The following DCP1A variants were observed in gnomAD, a reference collection of about 807,000 sequenced individuals.
DCP1A encodes the protein decapping mRNA 1A.
Under a neutral mutation model 58.0 loss-of-function variants are expected in DCP1A, and 20 were observed. The observed-to-expected ratio is 0.34, with a 90% confidence interval of 0.24 to 0.50. DCP1A has a LOEUF of 0.50. DCP1A is among the 20% of genes least tolerant of loss of function. The pLI is 0.98. For missense variants in DCP1A, 613 were observed against 712.2 expected (o/e 0.86, Z 1.59); for synonymous variants, 285 against 275.1 (o/e 1.04, Z -0.36).
chr3:53,313,082 T>A (rs1707697812), intron 4 of DCP1A, among the ~76,000 whole-genome samples: 2 of 151,666 alleles, frequency 1.3e-5, no homozygotes, highest in Non-Finnish European at 2.9e-5. Context: ...AAATCCTCTG[T>A]GGAAAGTTTG....
intron 3 of DCP1A, among the ~76,000 whole-genome samples, chr3:53,336,981 C>A (rs568919463): frequency 4.6e-5 from 7 of 152,172 alleles, no homozygotes; most frequent in South Asian, 2.1e-4. Flanking sequence ...AGCGATTCTC[C>A]TGCCTAGCCT....
At chr3:53,313,063 T>G (rs1007050216) in intron 4 of DCP1A, among the ~76,000 whole-genome samples, 1 of 151,922 alleles carries the variant, frequency 6.6e-6, no homozygotes, top group East Asian at 1.9e-4. Flanking sequence ...GAAGGCTGCA[T>G]AGTTGAACAA....
chr3:53,303,211 A>C (rs563486791), intron 6 of DCP1A, among the ~76,000 whole-genome samples: 1 of 152,198 alleles, frequency 6.6e-6, no homozygotes, highest in African/African-American at 2.4e-5. Flanking sequence ...TTGGCCTCCC[A>C]AAGAGCTGAG....
intron 6 of DCP1A, among the ~76,000 whole-genome samples, chr3:53,303,811 A>G (rs557019510): frequency 4.6e-5 from 7 of 152,324 alleles, no homozygotes; most frequent in African/African-American, 1.4e-4. Context: ...GAGGGGCCAG[A>G]TAAGGTAGGG....
chr3:53,303,875 G>A (rs2106819481), intron 6 of DCP1A, among the ~76,000 whole-genome samples: 1 of 152,308 alleles, frequency 6.6e-6, no homozygotes, highest in Middle Eastern at 3.4e-3. Context: ...CTCGGACACT[G>A]CTGGAGGGTT....
At chr3:53,336,903 C>T (rs2089126871) in intron 3 of DCP1A, among the ~76,000 whole-genome samples, 1 of 151,292 alleles carries the variant, frequency 6.6e-6, no homozygotes, top group Non-Finnish European at 1.5e-5. Context: ...TGGAGTCTTG[C>T]TCTGTCTCCC....
intron 5 of DCP1A, among the ~76,000 whole-genome samples, chr3:53,311,474 C>T (rs1349413917): frequency 1.3e-5 from 2 of 152,074 alleles, no homozygotes; most frequent in Admixed American, 6.5e-5. Context: ...AATAAATTAA[C>T]GAAAGTACCA....
intron 7 of DCP1A, among the ~76,000 whole-genome samples, chr3:53,291,430 ATT>A (rs1262290309): frequency 4.2e-5 from 6 of 142,122 alleles, no homozygotes; most frequent in South Asian, 2.2e-4. Context: ...TATTCATTCT[ATT>A]TTTTTTTTTT....
chr3:53,321,735 A>G (rs1707973711), intron 3 of DCP1A, among the ~76,000 whole-genome samples: 1 of 152,144 alleles, frequency 6.6e-6, no homozygotes, highest in African/African-American at 2.4e-5. Context: ...AAACAAAAAA[A>G]CCCAAAAAAC....
Position 53,290,823 on chromosome 3 carries a change from C to A in DCP1A, c.1417G>T (p.Val473Leu). The A allele has an allele frequency of 1.3e-6, 2 of 1,583,616 alleles. No individual in the cohort carries two copies. Among genetic ancestry groups the A allele is most frequent in the Non-Finnish European group, 1.7e-6 (2 of 1,165,024 alleles). Residue 473 changes from valine to leucine, a missense_variant, in exon 8 of 10, where the codon GTG becomes TTG. By Grantham distance (32) the Val-to-Leu change is conservative. This residue lies in a region of DCP1A where 498 missense variants were observed against 556.7 expected (regional missense o/e 0.89). Transcript: ENST00000610213. The stretch of plus-strand genomic sequence containing the variant: ...GCACTGGATAACACCTTAGGCTGCA[C>A]AAATACTTCAGGATCCTGGTTCTGC... ...MQQNQDPEVF[V>L]QPKVLSSAIP...
At chr3:53,309,786 T>C (rs1305005537) in intron 5 of DCP1A, among the ~76,000 whole-genome samples, 5 of 152,208 alleles carry the variant, frequency 3.3e-5, no homozygotes, top group Non-Finnish European at 7.4e-5. Context: ...GTCTCATTAT[T>C]ACAAGTGCTC....
chr3:53,287,623 T>A lies in DCP1A; in HGVS notation c.1706A>T (p.Tyr569Phe). ...TTTGTTCTTGGTCAGAACCTGCAAG[T>A]AGACTTCATGAAGTGTACTGAGGAA... The part of the protein sequence containing the change: ...SSFLSTLHEV[Y>F]LQVLTKNKDN... The change falls in exon 10 of 10, where the codon TAC becomes TTC. Residue 569 changes from tyrosine to phenylalanine, a missense_variant. This residue lies in a region of DCP1A where 498 missense variants were observed against 556.7 expected (regional missense o/e 0.89). Transcript: ENST00000610213. 1 of 1,612,628 alleles carries A rather than the reference T, an allele frequency of 6.2e-7. No homozygotes were observed. Among genetic ancestry groups the A allele is most frequent in the Non-Finnish European group, 8.5e-7 (1 of 1,178,696 alleles).
At chr3:53,330,434 C>T (rs2088966711) in intron 3 of DCP1A, among the ~76,000 whole-genome samples, 1 of 151,834 alleles carries the variant, frequency 6.6e-6, no homozygotes, top group Non-Finnish European at 1.5e-5. Flanking sequence ...GTAGCTCACA[C>T]CTATAGTCCT....
chr3:53,345,957 T>A (rs2089286718), intron 1 of DCP1A, among the ~76,000 whole-genome samples: 1 of 152,180 alleles, frequency 6.6e-6, no homozygotes, highest in Admixed American at 6.5e-5. Context: ...TCATGCTCTA[T>A]GTGCCAGGAT....
chr3:53,309,929 CTAAAGA>C lies in DCP1A; in HGVS notation c.510+2306_510+2311del, dbSNP rs1461991207. ...GATTGCCAATCTTCTGAGTCTTCAC[CTAAAGA>C]TAAACAAAGGGGCCGTCTGAAAAAA... On this transcript the variant is annotated intron_variant, in intron 5 of 9. Coordinates refer to ENST00000610213, the MANE Select transcript of DCP1A (RefSeq NM_018403.7). 4.6e-5 allele frequency among the ~76,000 whole-genome samples: 7 copies of C among 152,164 alleles called. 1 individual carries two copies. Among genetic ancestry groups the C allele is most frequent in the Admixed American group, 4.6e-4 (7 of 15,282 alleles).
Position 53,341,624 on chromosome 3 carries a change from G to A in DCP1A, c.304+520C>T, listed in dbSNP as rs191658584. ...GGCATAAACCTTATTTTAATAAACC[G>A]ACAACAGAAATGTAGTGCTATTAAA... On this transcript the variant is annotated intron_variant, in intron 3 of 9. Transcript: ENST00000610213. Among the ~76,000 whole-genome samples the A allele has an allele frequency of 1.4e-4, 21 of 152,084 alleles. No individual in the cohort carries two copies. The East Asian group carries it at 2.3e-3, about 17-fold the overall frequency.
rs185479867 is a variant in DCP1A, at chr3:53,339,466, C to T, written c.304+2678G>A. On this transcript the variant is annotated intron_variant, in intron 3 of 9. Coordinates refer to ENST00000610213, the MANE Select transcript of DCP1A (RefSeq NM_018403.7). ...CACTATAACAATTTAACCTATGATACTACAGTGGAGTTAAAGTTATAAAAT... is the reference window on the plus strand; with the variant it reads ...CACTATAACAATTTAACCTATGATATTACAGTGGAGTTAAAGTTATAAAAT... Among the ~76,000 whole-genome samples, 318 of 152,306 alleles carry T rather than the reference C, an allele frequency of 2.1e-3. 2 individuals are homozygous for T. Among genetic ancestry groups the T allele is most frequent in the African/African-American group, 7.4e-3 (308 of 41,558 alleles).
intron 6 of DCP1A, among the ~76,000 whole-genome samples, chr3:53,303,168 C>T (rs1249246821): frequency 1.3e-5 from 2 of 152,076 alleles, no homozygotes; most frequent in Admixed American, 1.3e-4. Flanking sequence ...CCAGGCTGGT[C>T]TCTAACTCCT....
intron 3 of DCP1A, among the ~76,000 whole-genome samples, chr3:53,336,715 T>C (rs1553691972): frequency 6.6e-6 from 1 of 152,160 alleles, no homozygotes; most frequent in East Asian, 1.9e-4. Context: ...GATGATTAAT[T>C]TTATGTTAAT....
Sources: allele counts gnomAD v4.1 joint callset (sites outside exome capture counted in the v4.1 genomes callset), GRCh38; gene constraint gnomAD v4.1.1; regional missense constraint gnomAD v4.1.1; transcripts MANE v1.5; gene names NCBI Gene and HGNC (gene_info 2026-07-23, HGNC 2026-07-21).